PLCL2: variants seen among roughly 807,000 people sequenced by gnomAD.
The protein encoded by PLCL2 is phospholipase C like 2.
Under a neutral mutation model 79.6 loss-of-function variants are expected in PLCL2, and 4 were observed. That is an observed-to-expected ratio of 0.05 (90% confidence interval 0.02 to 0.11). The LOEUF (loss-of-function observed/expected upper bound fraction) is 0.11, where lower values mean the gene tolerates loss of function less well. Among genes scored for constraint, PLCL2 ranks in the 10% least tolerant of loss-of-function variants. The pLI is 1.00. For synonymous variants in PLCL2, 484 were observed against 457.7 expected, an observed-to-expected ratio of 1.06 and a Z score of -0.73; for missense variants, 895 against 1,291.0, an observed-to-expected ratio of 0.69 and a Z score of 4.70.
chr3:17,009,992 T>G lies in PLCL2; in HGVS notation c.646T>G (p.Cys216Gly), dbSNP rs754340410. The G allele has an allele frequency of 6.2e-7, 1 of 1,614,116 alleles. No homozygotes were observed. Among genetic ancestry groups the G allele is most frequent in the Non-Finnish European group, 8.5e-7 (1 of 1,179,970 alleles). ...CATTTCTGACCAGATATCTGAAGAT[T>G]GTGCGTTTTCCGTCATATATGGAGA... is the stretch of plus-strand genomic sequence containing the variant. Reference protein sequence around the residue: ...NGISDQISEDCAFSVIYGENY... With the variant: ...NGISDQISEDGAFSVIYGENY... The change falls in exon 2 of 6, where the codon TGT (cysteine) becomes GGT (glycine). Residue 216 changes from cysteine to glycine, a missense_variant. Cys to Gly is a radical substitution (Grantham distance 159). This residue lies in a region of PLCL2 where 129 missense variants were observed against 208.8 expected (regional missense o/e 0.62). Coordinates refer to ENST00000615277, the MANE Select transcript of PLCL2 (RefSeq NM_001144382.2). This position sits in a 1 kb window ranked among gnomAD's most constrained non-coding sequence, Gnocchi z 4.0.
chr3:17,036,320 T>C (rs2064655325), intron 3 of PLCL2, among the ~76,000 whole-genome samples: 1 of 152,204 alleles, frequency 6.6e-6, no homozygotes, highest in Admixed American at 6.6e-5. Flanking sequence ...TGTTCAAGTA[T>C]TTAAAAGTAC....
chr3:16,997,528 TTTTC>T (rs200967637), intron 1 of PLCL2, among the ~76,000 whole-genome samples: 1,570 of 146,130 alleles, frequency 0.011, 17 homozygotes, highest in Admixed American at 0.043. Context: ...CATTAATTTC[TTTTC>T]TTTTTTTTTT....
intron 1 of PLCL2, among the ~76,000 whole-genome samples, chr3:16,953,959 G>C (rs149062091): frequency 0.021 from 3,173 of 152,112 alleles, 54 homozygotes; most frequent in South Asian, 0.043. Flanking sequence ...TAAAATACCT[G>C]CTGTTTCACA....
At chr3:17,030,912 G>C (rs996587695) in intron 3 of PLCL2, among the ~76,000 whole-genome samples, 2 of 152,148 alleles carry the variant, frequency 1.3e-5, no homozygotes, top group Non-Finnish European at 2.9e-5. Context: ...TTGGAGAAAA[G>C]ACTTGATGTA....
intron 1 of PLCL2, among the ~76,000 whole-genome samples, chr3:17,006,518 C>T (rs1314504250): frequency 1.3e-5 from 2 of 152,192 alleles, no homozygotes; most frequent in African/African-American, 4.8e-5. Flanking sequence ...CAAGCATACT[C>T]CTCTATTGGT....
intron 1 of PLCL2, among the ~76,000 whole-genome samples, chr3:16,932,817 G>A (rs1697438817): frequency 6.6e-6 from 1 of 152,208 alleles, no homozygotes; most frequent in South Asian, 2.1e-4. Flanking sequence ...TGATTAAGAA[G>A]AAACAGCCTC....
chr3:17,034,265 C>T (rs1239307098), intron 3 of PLCL2, among the ~76,000 whole-genome samples: 3 of 152,106 alleles, frequency 2.0e-5, no homozygotes, highest in Non-Finnish European at 4.4e-5. Context: ...GTGTGCCCTG[C>T]GATGGGATGG....
At chr3:16,926,375 G>A (rs926921536) in intron 1 of PLCL2, among the ~76,000 whole-genome samples, 1 of 152,168 alleles carries the variant, frequency 6.6e-6, no homozygotes, top group African/African-American at 2.4e-5. Flanking sequence ...CCTCTGTAAA[G>A]TGGGATTAAC....
intron 1 of PLCL2, among the ~76,000 whole-genome samples, chr3:16,966,201 G>T (rs529631508): frequency 0.11 from 11,391 of 102,472 alleles, 1,009 homozygotes; most frequent in Middle Eastern, 0.12. Context: ...CATCAATACT[G>T]AACTTATTGA....
In PLCL2 at chr3:17,010,268, A is replaced by G. The variant is rs1219134335; in HGVS notation, c.922A>G (p.Ile308Val). 2 of 1,614,010 alleles carry G rather than the reference A, an allele frequency of 1.2e-6. No homozygotes were observed. Among genetic ancestry groups the G allele is most frequent in the Admixed American group, 3.3e-5 (2 of 60,014 alleles). Residue 308 changes from isoleucine to valine, a missense_variant, in exon 2 of 6, where the codon ATT becomes GTT. Physicochemically the swap from Ile to Val is conservative, Grantham distance 29. Around this residue, in one of 6 missense-constraint regions of PLCL2, gnomAD observed 93 missense variants for 93.2 expected, o/e 1.00. Transcript: ENST00000615277. The surrounding 1 kb of genome is among the most constrained non-coding windows in gnomAD (Gnocchi z 5.8). ...NLNPGLKTSK[I>V]ELKFKELHKS... ...CAATCCTGGTTTAAAAACGAGCAAA[A>G]TTGAGCTTAAGTTCAAAGAATTGCA...
chr3:17,053,039 A>G (rs970740168), intron 4 of PLCL2, among the ~76,000 whole-genome samples: 4 of 152,170 alleles, frequency 2.6e-5, no homozygotes, highest in Non-Finnish European at 1.5e-5. Context: ...CCTGTTGTTG[A>G]AGGGTCAATT....
intron 4 of PLCL2, among the ~76,000 whole-genome samples, chr3:17,052,198 G>A (rs957684902): frequency 1.4e-5 from 2 of 139,202 alleles, no homozygotes; most frequent in African/African-American, 5.3e-5. Flanking sequence ...TTATAACAGA[G>A]CTGCTGAAAG....
chr3:17,077,076 C>T (rs2065115894), intron 5 of PLCL2, among the ~76,000 whole-genome samples: 1 of 152,220 alleles, frequency 6.6e-6, no homozygotes, highest in Non-Finnish European at 1.5e-5. Context: ...ACTCCACACT[C>T]TGTCTTCTCA....
At position 17,011,177 on chromosome 3, in the gene PLCL2, C is replaced by G. The variant is rs764919309; in HGVS notation, c.1831C>G (p.Arg611Gly). 35 of 1,614,126 alleles carry G rather than the reference C, an allele frequency of 2.2e-5. No homozygotes were observed. The highest frequency in any genetic ancestry group is 2.8e-5 in the Non-Finnish European group (33 of 1,180,022). Residue 611 changes from arginine to glycine, a missense_variant, in exon 2 of 6, where the codon CGA becomes GGA. Coordinates refer to ENST00000615277, the MANE Select transcript of PLCL2 (RefSeq NM_001144382.2). This position sits in a 1 kb window ranked among gnomAD's most constrained non-coding sequence, Gnocchi z 7.9. ...GCAACCCAATAATGTGCCTGTGAAG[C>G]GATTTCAGCTTTGTAAAGAACTGTC... ...MEQPNNVPVK[R>G]FQLCKELSEL...
intron 1 of PLCL2, among the ~76,000 whole-genome samples, chr3:16,907,965 A>G (rs1268208889): frequency 6.6e-6 from 1 of 152,152 alleles, no homozygotes; most frequent in African/African-American, 2.4e-5. Context: ...ATATGTATTC[A>G]TGTCAATATT....
intron 4 of PLCL2, among the ~76,000 whole-genome samples, chr3:17,052,778 C>T (rs966409957): frequency 2.6e-5 from 4 of 152,170 alleles, no homozygotes; most frequent in Non-Finnish European, 4.4e-5. Context: ...TGATCCACTT[C>T]CACGTGATAA....
At chr3:17,069,069 G>A (rs1467828619) in intron 5 of PLCL2, among the ~76,000 whole-genome samples, 3 of 152,248 alleles carry the variant, frequency 2.0e-5, no homozygotes, top group Non-Finnish European at 4.4e-5. Context: ...GCATAAAAAG[G>A]CCTACATATT....
intron 5 of PLCL2, 58 bp downstream of exon 5, chr3:17,068,123 CCT>C: frequency 1.1e-6 from 1 of 893,508 alleles, no homozygotes; most frequent in Non-Finnish European, 1.9e-6. Flanking sequence ...AGCATGCTTC[CCT>C]CTCTTAGTAT....
intron 4 of PLCL2, among the ~76,000 whole-genome samples, chr3:17,049,815 G>A (rs2064820135): frequency 6.6e-6 from 1 of 151,292 alleles, no homozygotes; most frequent in Non-Finnish European, 1.5e-5. Context: ...ATTCTTCATG[G>A]AAATTGAAAA....
Sources: allele counts gnomAD v4.1 joint callset (sites outside exome capture counted in the v4.1 genomes callset), GRCh38; gene constraint gnomAD v4.1.1; regional missense constraint gnomAD v4.1.1; non-coding constraint Gnocchi (gnomAD v3.1); transcripts MANE v1.5; gene names NCBI Gene and HGNC (gene_info 2026-07-23, HGNC 2026-07-21).